Variants in ATP9A observed in about 807,000 individuals in gnomAD.
ATP9A encodes ATPase phospholipid transporting 9A.
Under a neutral mutation model 144.1 loss-of-function variants are expected in ATP9A, and 52 were observed. The observed-to-expected ratio is 0.36, with a 90% CI of 0.29 to 0.45. ATP9A has a LOEUF of 0.45. ATP9A is among the 20% of genes least tolerant of loss of function. The probability of loss-of-function intolerance (pLI) is 1.00; values close to 1 mark genes in which losing one functional copy is unlikely to be tolerated. For missense variants in ATP9A, 947 were observed against 1,392.7 expected, an observed-to-expected ratio of 0.68 and a Z score of 5.09; for synonymous variants, 582 against 557.4, an observed-to-expected ratio of 1.04 and a Z score of -0.62.
chr20:51,727,301 C>T (rs2077719039), intron 2 of ATP9A, among the ~76,000 whole-genome samples: 1 of 149,992 alleles, frequency 6.7e-6, no homozygotes. Flanking sequence ...ACGTCCACAG[C>T]ATGTCCAGAC....
chr20:51,605,087 C>T (rs1279965131), intron 26 of ATP9A, 67 bp from the exon 27 acceptor site: 1 of 1,382,300 alleles, frequency 7.2e-7, no homozygotes, highest in Middle Eastern at 2.7e-4. Context: ...CTCGCCTACA[C>T]CTGGCTCCTT....
chr20:51,620,628 T>C (rs2122722839), intron 19 of ATP9A, among the ~76,000 whole-genome samples: 1 of 152,132 alleles, frequency 6.6e-6, no homozygotes, highest in Non-Finnish European at 1.5e-5. Context: ...ATGTGACTTA[T>C]GGATGTTGGG....
chr20:51,683,605 G>A (rs967526799), intron 9 of ATP9A, among the ~76,000 whole-genome samples: 1 of 152,040 alleles, frequency 6.6e-6, no homozygotes, highest in Non-Finnish European at 1.5e-5. Context: ...TTGTAGAGAT[G>A]GGTTTTCACT....
At chr20:51,721,273 T>C (rs975028539) in intron 3 of ATP9A, among the ~76,000 whole-genome samples, 1 of 152,234 alleles carries the variant, frequency 6.6e-6, no homozygotes, top group African/African-American at 2.4e-5. Flanking sequence ...ATTGTTTTTG[T>C]TTCTTTAAGG....
intron 15 of ATP9A, among the ~76,000 whole-genome samples, chr20:51,636,791 AC>A (rs1415917930): frequency 6.6e-6 from 1 of 152,238 alleles, no homozygotes; most frequent in African/African-American, 2.4e-5. Context: ...CATGCAAATC[AC>A]TTAGAACAGC....
intron 20 of ATP9A, 45 bp downstream of exon 20, chr20:51,618,909 C>G (rs1337191353): frequency 2.5e-6 from 4 of 1,608,254 alleles, no homozygotes; most frequent in Non-Finnish European, 3.4e-6. Flanking sequence ...CCGGGTAAGA[C>G]CCAGGCTGCT....
chr20:51,674,944 C>G (rs1159862179), intron 10 of ATP9A, among the ~76,000 whole-genome samples: 2 of 152,160 alleles, frequency 1.3e-5, no homozygotes, highest in African/African-American at 2.4e-5. Context: ...TCCCGATAAG[C>G]TGGGATTATG....
At chr20:51,625,158 T>G in intron 18 of ATP9A, 34 bp downstream of exon 18, 2 of 1,585,516 alleles carry the variant, frequency 1.3e-6, no homozygotes, top group Non-Finnish European at 8.6e-7. Context: ...GGCATTGCCC[T>G]GGAGTGCCCT....
intron 15 of ATP9A, among the ~76,000 whole-genome samples, chr20:51,635,162 T>G (rs2122740033): frequency 6.6e-6 from 1 of 152,320 alleles, no homozygotes; most frequent in South Asian, 2.1e-4. Context: ...CTGCTCACTC[T>G]GAACAGGTAG....
Position 51,694,101 on chromosome 20 carries a change from C to A in ATP9A, c.549G>T (p.Gly183=), listed in dbSNP as rs777769527. 4 of 1,613,978 alleles carry A rather than the reference C, an allele frequency of 2.5e-6. No individual in the cohort carries two copies. The highest frequency in any genetic ancestry group is 3.3e-5 in the Admixed American group (2 of 59,996). The change falls in exon 7 of 28, where the codon GGG becomes GGT. Residue 183 remains glycine (G), a splice_region_variant and synonymous_variant. Coordinates refer to ENST00000338821, the MANE Select transcript of ATP9A (RefSeq NM_006045.3). ...GCTGATCCGTCCGCAAGAAGCATGA[C>A]CCTGTGGAAGGAAGTCGGGTGCCGT... ...MIFLRTSEKN[G]SCFLRTDQLD... is the part of the protein sequence containing the mutation.
intron 16 of ATP9A, among the ~76,000 whole-genome samples, chr20:51,628,663 A>C (rs1005339235): frequency 3.9e-5 from 6 of 152,232 alleles, no homozygotes; most frequent in African/African-American, 1.4e-4. Flanking sequence ...AGCTGAATGT[A>C]GCCCACAACA....
intron 14 of ATP9A, among the ~76,000 whole-genome samples, chr20:51,645,014 C>T (rs2077336531): frequency 6.6e-6 from 1 of 152,174 alleles, no homozygotes; most frequent in Non-Finnish European, 1.5e-5. Flanking sequence ...CAGCTACAGA[C>T]CCCACAGGTT....
chr20:51,643,508 T>A (rs2143719), intron 14 of ATP9A, among the ~76,000 whole-genome samples: 71,209 of 151,912 alleles, frequency 0.47, 18,044 homozygotes, highest in East Asian at 0.8. Flanking sequence ...TGAGTGGATG[T>A]GTGCCTTTAT....
chr20:51,731,379 T>C (rs1286477617), intron 1 of ATP9A, among the ~76,000 whole-genome samples: 1 of 151,978 alleles, frequency 6.6e-6, no homozygotes. Context: ...AGAAAATAAA[T>C]ATATCACAGT....
At chr20:51,765,014 T>A (rs755916238) in intron 1 of ATP9A, among the ~76,000 whole-genome samples, 1 of 152,002 alleles carries the variant, frequency 6.6e-6, no homozygotes, top group Non-Finnish European at 1.5e-5. Context: ...AACCACCACA[T>A]CTGGCCCCTA....
At position 51,611,696 on chromosome 20, in the gene ATP9A, T is replaced by C. The variant is rs2077185541; in HGVS notation, c.2572-1531A>G. ...GAAGTCAGCTCATCCCGGCCAGCTTTTGTGTATGAGTCCAAGGACGGGCTG... is the reference window on the plus strand; with the variant it reads ...GAAGTCAGCTCATCCCGGCCAGCTTCTGTGTATGAGTCCAAGGACGGGCTG... On this transcript the variant is annotated intron_variant, in intron 23 of 27. Coordinates refer to ENST00000338821, the MANE Select transcript of ATP9A (RefSeq NM_006045.3). This position sits in a 1 kb window ranked among gnomAD's most constrained non-coding sequence, Gnocchi z 4.2. Among the ~76,000 whole-genome samples, 1 of 152,226 alleles carries C rather than the reference T, an allele frequency of 6.6e-6. No homozygotes were observed. The highest frequency in any genetic ancestry group is 1.5e-5 in the Non-Finnish European group (1 of 68,044).
Position 51,712,640 on chromosome 20 carries a change from T to C in ATP9A, c.436+326A>G, listed in dbSNP as rs189711281. On this transcript the variant is annotated intron_variant, in intron 4 of 27. Coordinates refer to ENST00000338821, the MANE Select transcript of ATP9A (RefSeq NM_006045.3). Reference sequence around the variant, plus strand: ...CATTTGAACAGCAGAGGCGCCCTACTTCCCTCTTCAGCCAGGCGGCAGAAC... The same window carrying C: ...CATTTGAACAGCAGAGGCGCCCTACCTCCCTCTTCAGCCAGGCGGCAGAAC... 2.6e-5 allele frequency among the ~76,000 whole-genome samples: 4 copies of C among 152,362 alleles called. No individual in the cohort carries two copies. In the East Asian group the frequency reaches 7.7e-4, roughly 29 times the overall value.
At chr20:51,639,852 G>A (rs2426335) in intron 14 of ATP9A, among the ~76,000 whole-genome samples, 70,564 of 152,008 alleles carry the variant, frequency 0.46, 17,835 homozygotes, top group East Asian at 0.8. Flanking sequence ...TTGGGAGGCC[G>A]AGGTGGGTGG....
intron 26 of ATP9A, among the ~76,000 whole-genome samples, chr20:51,606,399 TAA>T (rs1461140330): frequency 6.6e-6 from 1 of 151,644 alleles, no homozygotes; most frequent in Admixed American, 6.6e-5. Flanking sequence ...ATGGAAATAC[TAA>T]AAAAGAGTGA....
Sources: gnomAD v4.1 joint callset for allele counts (sites outside exome capture counted in the v4.1 genomes callset) on GRCh38, gnomAD v4.1.1 for gene constraint, Gnocchi (gnomAD v3.1) non-coding constraint, MANE v1.5 for transcripts, NCBI Gene and HGNC (gene_info 2026-07-23, HGNC 2026-07-21) for gene names.